DEPTOR: variants seen among roughly 807,000 people sequenced by gnomAD.
DEPTOR encodes DEP domain-containing mTOR-interacting protein.
In DEPTOR, 41 loss-of-function variants were observed where a neutral mutation model predicts 41.6. That is an observed-to-expected ratio of 0.98 (90% CI 0.77 to 1.28). DEPTOR has a LOEUF of 1.28. DEPTOR is among the 50% of genes most tolerant of loss of function. The pLI, the probability that DEPTOR is intolerant of heterozygous loss-of-function variation, is 0.00. For missense variants in DEPTOR, 514 were observed against 527.9 expected (o/e 0.97, Z 0.26); for synonymous variants, 195 against 192.3 (o/e 1.01, Z -0.12).
chr8:120,026,607 T>G (rs1812800757), intron 8 of DEPTOR, among the ~76,000 whole-genome samples: 1 of 152,024 alleles, frequency 6.6e-6, no homozygotes, highest in Non-Finnish European at 1.5e-5. Flanking sequence ...CCTCCCAAAG[T>G]GCTGAGATTA....
rs531304355 is a variant in DEPTOR, at chr8:119,956,607, A to T, written c.426-8625A>T. On this transcript the variant is annotated intron_variant, in intron 3 of 8. Coordinates refer to ENST00000286234, the MANE Select transcript of DEPTOR (RefSeq NM_022783.4). ...AGGGACAGAGTGGTCAGAACCAGGGATAAAGGCCAGGAGTCTGTGTCTGTG... is the reference window on the plus strand; with the variant it reads ...AGGGACAGAGTGGTCAGAACCAGGGTTAAAGGCCAGGAGTCTGTGTCTGTG... Among the ~76,000 whole-genome samples, 200 of 151,854 alleles carry T rather than the reference A, an allele frequency of 1.3e-3. 1 individual carries two copies. Among genetic ancestry groups the T allele is most frequent in the South Asian group, 5.8e-3 (28 of 4,812 alleles).
At chr8:119,979,451 C>T (rs1279118881) in intron 4 of DEPTOR, among the ~76,000 whole-genome samples, 2 of 151,826 alleles carry the variant, frequency 1.3e-5, no homozygotes, top group Non-Finnish European at 2.9e-5. Flanking sequence ...TTCATAGAGA[C>T]AGGGTTTTGC....
chr8:119,969,921 G>C (rs1490075635), intron 4 of DEPTOR: 1 of 152,188 alleles, frequency 6.6e-6, no homozygotes, highest in Non-Finnish European at 1.5e-5. Flanking sequence ...ATTAAGGAAA[G>C]TCAGCCTTTA....
chr8:119,970,866 G>A (rs1487911181), intron 4 of DEPTOR, among the ~76,000 whole-genome samples: 5 of 152,072 alleles, frequency 3.3e-5, no homozygotes, highest in Admixed American at 2.6e-4. Flanking sequence ...GCAGTAACAC[G>A]TGTGCAATAT....
chr8:119,933,480 A>T (rs1320018073), intron 3 of DEPTOR, among the ~76,000 whole-genome samples: 1 of 151,188 alleles, frequency 6.6e-6, no homozygotes, highest in Non-Finnish European at 1.5e-5. Context: ...ACACACACAC[A>T]CACACACACA....
intron 4 of DEPTOR, among the ~76,000 whole-genome samples, chr8:119,982,815 G>A (rs1828784542): frequency 6.6e-6 from 1 of 152,206 alleles, no homozygotes. Context: ...GGGAAGGGCA[G>A]TCTGTCCCAG....
chr8:119,987,487 C>CCCAG (rs1828845081), intron 4 of DEPTOR, among the ~76,000 whole-genome samples: 1 of 152,196 alleles, frequency 6.6e-6, no homozygotes, highest in Admixed American at 6.5e-5. Flanking sequence ...GCATATGTCT[C>CCCAG]CCAGTCAGGA....
chr8:119,896,110 T>C (rs1827517040), intron 1 of DEPTOR, among the ~76,000 whole-genome samples: 1 of 152,192 alleles, frequency 6.6e-6, no homozygotes, highest in Non-Finnish European at 1.5e-5. Flanking sequence ...ATGTAGATTT[T>C]CTTTCAACCT....
chr8:119,980,899 C>T (rs975516318), intron 4 of DEPTOR, among the ~76,000 whole-genome samples: 1 of 152,090 alleles, frequency 6.6e-6, no homozygotes, highest in Non-Finnish European at 1.5e-5. Flanking sequence ...TTTTACAGTG[C>T]CAGTTTGGAC....
chr8:120,017,006 TTA>T (rs1812623043), intron 8 of DEPTOR, among the ~76,000 whole-genome samples: 1 of 152,220 alleles, frequency 6.6e-6, no homozygotes, highest in Non-Finnish European at 1.5e-5. Flanking sequence ...TTATATGTAT[TTA>T]TATGTTACTT....
chr8:120,021,918 G>A (rs1812722591), intron 8 of DEPTOR, among the ~76,000 whole-genome samples: 1 of 151,968 alleles, frequency 6.6e-6, no homozygotes, highest in African/African-American at 2.4e-5. Context: ...GCTGAGGTGG[G>A]AGGATCACCT....
chr8:119,988,249 C>T (rs551741190), intron 4 of DEPTOR, among the ~76,000 whole-genome samples: 4 of 152,258 alleles, frequency 2.6e-5, no homozygotes, highest in Admixed American at 6.5e-5. Context: ...TTAGGGCTTC[C>T]GTTGGCTAAG....
chr8:119,933,453 GACACACAC>G (rs35420959), intron 3 of DEPTOR, among the ~76,000 whole-genome samples: 245 of 124,556 alleles, frequency 2.0e-3, no homozygotes, highest in African/African-American at 4.7e-3. Context: ...GACAGAGCAA[GACACACAC>G]ACACACACAC....
chr8:119,930,056 T>C, intron 3 of DEPTOR, 118 bp downstream of exon 3: 1 of 1,228,714 alleles, frequency 8.1e-7, no homozygotes, highest in Non-Finnish European at 1.1e-6. Flanking sequence ...TACATAACTG[T>C]TCTTTTCCAT....
intron 1 of DEPTOR, among the ~76,000 whole-genome samples, chr8:119,923,313 G>C (rs1827922129): frequency 6.6e-6 from 1 of 151,870 alleles, no homozygotes; most frequent in African/African-American, 2.4e-5. Flanking sequence ...GCATGATCTT[G>C]GCTCACGGCA....
chr8:119,940,251 A>G (rs761372581), intron 3 of DEPTOR, among the ~76,000 whole-genome samples: 2 of 152,008 alleles, frequency 1.3e-5, no homozygotes, highest in Non-Finnish European at 2.9e-5. Context: ...AAAACATGTA[A>G]TTACCATGAT....
intron 4 of DEPTOR, among the ~76,000 whole-genome samples, chr8:119,988,198 G>T (rs2130040355): frequency 6.6e-6 from 1 of 152,308 alleles, no homozygotes; most frequent in East Asian, 1.9e-4. Flanking sequence ...GAAAAGCATT[G>T]TATCTGGGCT....
At chr8:119,922,110 G>T (rs922451691) in intron 1 of DEPTOR, among the ~76,000 whole-genome samples, 1 of 151,696 alleles carries the variant, frequency 6.6e-6, no homozygotes, top group Non-Finnish European at 1.5e-5. Flanking sequence ...ATGGTGGCGG[G>T]CACCTGTAAT....
chr8:119,931,648 C>T (rs1053934532), intron 3 of DEPTOR, among the ~76,000 whole-genome samples: 1 of 152,160 alleles, frequency 6.6e-6, no homozygotes, highest in South Asian at 2.1e-4. Context: ...AATTTGTACT[C>T]AGTCTACTAT....
Sources: gnomAD v4.1 joint callset for allele counts (sites outside exome capture counted in the v4.1 genomes callset) on GRCh38, gnomAD v4.1.1 for gene constraint, MANE v1.5 for transcripts, NCBI Gene and HGNC (gene_info 2026-07-23, HGNC 2026-07-21) for gene names.